EPHA6: variants seen among roughly 807,000 people sequenced by gnomAD.
EPHA6 encodes the protein EPH receptor A6.
In EPHA6, 50 loss-of-function variants were observed where a neutral mutation model predicts 112.0. That is an observed-to-expected ratio of 0.45 (90% CI 0.36 to 0.56). The LOEUF (loss-of-function observed/expected upper bound fraction) is 0.56. Among genes scored for constraint, EPHA6 ranks in the 20% least tolerant of loss-of-function variants. The pLI is 0.00. For missense variants in EPHA6, 1,280 were observed against 1,417.4 expected (o/e 0.90, Z 1.56); for synonymous variants, 529 against 490.7 (o/e 1.08, Z -1.03).
At chr3:97,560,895 C>T (rs1483809548) in intron 11 of EPHA6, among the ~76,000 whole-genome samples, 1 of 151,950 alleles carries the variant, frequency 6.6e-6, no homozygotes, top group Non-Finnish European at 1.5e-5. Flanking sequence ...TACTTCATAT[C>T]TCTGTGTCAC....
chr3:97,088,379 A>G (rs1241170600), intron 3 of EPHA6, among the ~76,000 whole-genome samples: 1 of 152,128 alleles, frequency 6.6e-6, no homozygotes, highest in Non-Finnish European at 1.5e-5. Context: ...GCAAATACTG[A>G]GCAAGGATTA....
chr3:96,888,574 C>T (rs1447106677), intron 2 of EPHA6, among the ~76,000 whole-genome samples: 2 of 152,206 alleles, frequency 1.3e-5, no homozygotes, highest in Non-Finnish European at 2.9e-5. Context: ...TCTGAAGCCA[C>T]AGCCTGAGCT....
intron 7 of EPHA6, among the ~76,000 whole-genome samples, chr3:97,457,331 T>A (rs948254314): frequency 6.6e-6 from 1 of 152,160 alleles, no homozygotes; most frequent in Non-Finnish European, 1.5e-5. Flanking sequence ...TGAGACGAAG[T>A]TGGCCTTTGG....
At chr3:97,351,868 G>A (rs949604053) in intron 5 of EPHA6, among the ~76,000 whole-genome samples, 4 of 152,102 alleles carry the variant, frequency 2.6e-5, no homozygotes, top group Admixed American at 1.3e-4. Context: ...ATATAGGATA[G>A]CTATTATATT....
At chr3:96,818,844 A>G (rs2033020924) in intron 1 of EPHA6, among the ~76,000 whole-genome samples, 1 of 151,956 alleles carries the variant, frequency 6.6e-6, no homozygotes, top group Non-Finnish European at 1.5e-5. Context: ...AGGATAAACT[A>G]TTTATAGTTG....
intron 15 of EPHA6, among the ~76,000 whole-genome samples, chr3:97,730,889 C>G (rs140948166): frequency 6.6e-6 from 1 of 152,078 alleles, no homozygotes; most frequent in Non-Finnish European, 1.5e-5. Flanking sequence ...TAAGAGACTA[C>G]AAATGTTTTG....
chr3:97,020,685 T>C (rs1012451082), intron 3 of EPHA6, among the ~76,000 whole-genome samples: 4 of 152,210 alleles, frequency 2.6e-5, no homozygotes, highest in Non-Finnish European at 5.9e-5. Flanking sequence ...ACTGGTCCAG[T>C]ACAGTAACTT....
At chr3:97,394,051 A>G (rs1007882889) in intron 5 of EPHA6, among the ~76,000 whole-genome samples, 10 of 151,760 alleles carry the variant, frequency 6.6e-5, no homozygotes, top group African/African-American at 2.2e-4. Context: ...ATAAATTTGT[A>G]ACATATGAAT....
intron 14 of EPHA6, among the ~76,000 whole-genome samples, chr3:97,680,151 G>A (rs188261850): frequency 6.6e-6 from 1 of 152,218 alleles, no homozygotes; most frequent in East Asian, 1.9e-4. Flanking sequence ...GCTCAGATCT[G>A]CAAACAACTC....
At chr3:96,864,965 G>C (rs1408787078) in intron 1 of EPHA6, among the ~76,000 whole-genome samples, 2 of 151,968 alleles carry the variant, frequency 1.3e-5, no homozygotes, top group Non-Finnish European at 2.9e-5. Context: ...TAAGATTCCT[G>C]AAATTTACTT....
intron 2 of EPHA6, among the ~76,000 whole-genome samples, chr3:96,982,541 G>A (rs1276484999): frequency 6.6e-6 from 1 of 152,194 alleles, no homozygotes; most frequent in African/African-American, 2.4e-5. Context: ...GTTGATTTGG[G>A]ATGGAGAGTT....
intron 12 of EPHA6, among the ~76,000 whole-genome samples, chr3:97,610,034 A>G (rs915828987): frequency 6.6e-6 from 1 of 151,578 alleles, no homozygotes; most frequent in Non-Finnish European, 1.5e-5. Context: ...ATAGAGGTGT[A>G]TTGGGAACTA....
intron 3 of EPHA6, among the ~76,000 whole-genome samples, chr3:97,137,239 G>A (rs2075788809): frequency 6.6e-6 from 1 of 152,156 alleles, no homozygotes; most frequent in Non-Finnish European, 1.5e-5. Flanking sequence ...CCTATGGTAT[G>A]TGTTTACAGA....
chr3:97,385,821 G>C (rs947887625), intron 5 of EPHA6, among the ~76,000 whole-genome samples: 1 of 152,160 alleles, frequency 6.6e-6, no homozygotes, highest in Non-Finnish European at 1.5e-5. Context: ...AAAGGGGGAA[G>C]TGCTACACAC....
At chr3:97,503,084 A>G (rs538994595) in intron 10 of EPHA6, among the ~76,000 whole-genome samples, 1 of 152,038 alleles carries the variant, frequency 6.6e-6, no homozygotes, top group African/African-American at 2.4e-5. Flanking sequence ...AAAAATCAAT[A>G]GGAAAATACT....
Position 97,747,550 on chromosome 3 carries a change from C to A in EPHA6, c.3256C>A (p.Leu1086Met). Residue 1086 changes from leucine to methionine, a missense_variant, in exon 17 of 18, where the codon CTG (leucine) becomes ATG (methionine). Around this residue, in one of 4 missense-constraint regions of EPHA6, gnomAD observed 145 missense variants for 153.3 expected, o/e 0.95. Coordinates refer to ENST00000389672, the MANE Select transcript of EPHA6 (RefSeq NM_001080448.3). ...GGCAGCAGGGTTTACAACATTTGAC[C>A]TGATTTCAAGAATGAGCATTGAGTA... ...FVAAGFTTFDLISRMSIDDIR... is the reference protein window; with the variant it reads ...FVAAGFTTFDMISRMSIDDIR... The A allele has an allele frequency of 6.2e-7, 1 of 1,607,302 alleles. No homozygotes were observed. The highest frequency in any genetic ancestry group is 1.7e-5 in the Admixed American group (1 of 59,128).
chr3:97,527,895 G>A (rs2092643211), intron 10 of EPHA6, among the ~76,000 whole-genome samples: 1 of 152,060 alleles, frequency 6.6e-6, no homozygotes, highest in South Asian at 2.1e-4. Context: ...TTATTTACAG[G>A]AGCAGAGTAA....
At chr3:96,994,732 T>TATATATATATAGAGAGAGAGAGAGAG (rs1170197805) in intron 3 of EPHA6, among the ~76,000 whole-genome samples, 17 of 82,204 alleles carry the variant, frequency 2.1e-4, no homozygotes, top group African/African-American at 9.0e-4. Flanking sequence ...TATATATATA[T>TATATATATATAGAGAGAGAGAGAGAG]AGAGAGAGAG....
intron 3 of EPHA6, among the ~76,000 whole-genome samples, chr3:97,184,441 T>A (rs1471941282): frequency 6.6e-6 from 1 of 152,118 alleles, no homozygotes; most frequent in East Asian, 1.9e-4. Flanking sequence ...GAGAGGCAAA[T>A]CATCAGTGAA....
Sources: gnomAD v4.1 joint callset for allele counts (sites outside exome capture counted in the v4.1 genomes callset) on GRCh38, gnomAD v4.1.1 for gene constraint, gnomAD v4.1.1 regional missense constraint, MANE v1.5 for transcripts, NCBI Gene and HGNC (gene_info 2026-07-23, HGNC 2026-07-21) for gene names.